Variants in SLC35E4 observed in about 807,000 individuals in gnomAD.
The protein encoded by SLC35E4 is solute carrier family 35, member E4.
In SLC35E4, 15 loss-of-function variants were observed where a neutral mutation model predicts 19.3. The ratio of observed to expected loss-of-function variants is 0.78; its 90% CI spans 0.52 to 1.20. The LOEUF (loss-of-function observed/expected upper bound fraction) is 1.20. Among genes scored for constraint, SLC35E4 ranks in the 50% most tolerant of loss-of-function variants. The pLI, the probability that SLC35E4 is intolerant of heterozygous loss-of-function variation, is 0.00. For synonymous variants in SLC35E4, 219 were observed against 219.9 expected, an observed-to-expected ratio of 1.00 and a Z score of 0.04; for missense variants, 406 against 472.3, an observed-to-expected ratio of 0.86 and a Z score of 1.30.
downstream of SLC35E4, among the ~76,000 whole-genome samples, chr22:30,652,550 A>G (rs778818774): frequency 7.9e-5 from 12 of 152,250 alleles, no homozygotes; most frequent in Non-Finnish European, 1.8e-4. Flanking sequence ...GAATGAATAA[A>G]GACAACTTGG....
chr22:30,660,157 C>G (rs552074689), intron 2 of SLC35E4, among the ~76,000 whole-genome samples: 2 of 152,220 alleles, frequency 1.3e-5, no homozygotes, highest in African/African-American at 4.8e-5. Flanking sequence ...AGACTCTAAG[C>G]AGAGGACCTA....
chr22:30,663,331 G>GT (rs571380555), downstream of SLC35E4: 313 of 1,192,066 alleles, frequency 2.6e-4, 1 homozygote, highest in African/African-American at 4.2e-3. Context: ...GGCATCATCT[G>GT]TTTTTTTCTG....
At position 30,646,848 on chromosome 22, in the gene SLC35E4, C is replaced by T; in HGVS notation, c.870C>T (p.Leu290=). The part of the protein sequence containing the change: ...SALTVHVLGN[L]TVVGNLILSR... ...TCACCGTCCACGTCCTGGGCAACCT[C>T]ACCGTGGTGGGCAACCTCATCCTGT... The change falls in exon 2 of 2, where the codon CTC becomes CTT. Residue 290 remains leucine (L), a synonymous_variant. Coordinates refer to ENST00000343605, the MANE Select transcript of SLC35E4 (RefSeq NM_001001479.4). The T allele has an allele frequency of 6.2e-7, 1 of 1,614,246 alleles. No individual in the cohort carries two copies. The highest frequency in any genetic ancestry group is 8.5e-7 in the Non-Finnish European group (1 of 1,180,040).
Position 30,647,049 on chromosome 22 carries a change from G to C in SLC35E4, c.*18G>C. ...GTCTTTGAGACCTGGGGGATCTCAG[G>C]AGCCACCTGGGATGGCCCTGGCCTG... On this transcript the variant is annotated 3_prime_UTR_variant, in exon 2 of 2. Transcript: ENST00000343605. 1 of 1,573,066 alleles carries C rather than the reference G, an allele frequency of 6.4e-7. No individual in the cohort carries two copies. Among genetic ancestry groups the C allele is most frequent in the East Asian group, 2.2e-5 (1 of 44,548 alleles).
chr22:30,657,277 AC>A (rs1227895903), intron 2 of SLC35E4, among the ~76,000 whole-genome samples: 6 of 2,048 alleles, frequency 2.9e-3, no homozygotes, highest in Admixed American at 0.018. Flanking sequence ...TCTACTAAAA[AC>A]ACACACACAC....
At chr22:30,660,836 G>C (rs565530520) in intron 2 of SLC35E4, among the ~76,000 whole-genome samples, 1 of 150,942 alleles carries the variant, frequency 6.6e-6, no homozygotes, top group East Asian at 2.0e-4. Context: ...AGAAGGCATA[G>C]AACAATTTTT....
At chr22:30,651,371 T>TTTTTTTTGTG (rs1555899345), downstream of SLC35E4, among the ~76,000 whole-genome samples, 1 of 41,202 alleles carries the variant, frequency 2.4e-5, no homozygotes, top group African/African-American at 1.1e-4. Flanking sequence ...TGGCTAATTT[T>TTTTTTTTGTG]TGTGTGTGTG....
Position 30,636,423 on chromosome 22 carries a change from G to C in SLC35E4, c.-28G>C, listed in dbSNP as rs777212011. The C allele has an allele frequency of 6.2e-6, 9 of 1,450,334 alleles. No individual in the cohort carries two copies. In the African/African-American group the frequency reaches 1.3e-4, roughly 21 times the overall value. The allele number at this position is 1,450,334 out of a possible 1,614,324, so 89.8% of individuals were successfully genotyped here. On this transcript the variant is annotated 5_prime_UTR_variant, in exon 1 of 2. Coordinates refer to ENST00000343605, the MANE Select transcript of SLC35E4 (RefSeq NM_001001479.4). ...CCCAGAGGTCGTCACTGGGGAGCCC[G>C]CCTCCTGCCCTAGCCTCACTGGTGC... is the stretch of plus-strand genomic sequence containing the variant.
downstream of SLC35E4, among the ~76,000 whole-genome samples, chr22:30,650,332 CA>C (rs557805647): frequency 2.3e-3 from 318 of 136,024 alleles, no homozygotes; most frequent in African/African-American, 4.7e-3. Context: ...GACTTCGTCT[CA>C]AAAAAAAAAA....
chr22:30,662,473 G>C (rs527443314), exon 3 of SLC35E4: 2 of 152,268 alleles, frequency 1.3e-5, no homozygotes, highest in East Asian at 3.9e-4. Flanking sequence ...GCCAAAGTTT[G>C]GTGAGGGATG....
chr22:30,643,387 C>T (rs2088077954), intron 1 of SLC35E4, among the ~76,000 whole-genome samples: 1 of 152,130 alleles, frequency 6.6e-6, no homozygotes, highest in Middle Eastern at 3.2e-3. Context: ...CTGGGGAGCG[C>T]TGAGAAGGCT....
Position 30,647,284 on chromosome 22 carries a change from G to A in SLC35E4, c.*253G>A. 2.0e-6 allele frequency: 1 copy of A among 492,516 alleles called. No individual in the cohort carries two copies. Among genetic ancestry groups the A allele is most frequent in the Non-Finnish European group, 3.6e-6 (1 of 278,396 alleles). 30.5% of individuals were successfully genotyped at this position (492,516 alleles called of 1,614,324 possible). On this transcript the variant is annotated 3_prime_UTR_variant, in exon 2 of 2. Coordinates refer to ENST00000343605, the MANE Select transcript of SLC35E4 (RefSeq NM_001001479.4). ...ATGGTGGCGCGTGCCTATAGTCCCA[G>A]CTACATGGGAGGCTAAGGTGGGAGG... is the stretch of plus-strand genomic sequence containing the variant.
chr22:30,644,383 T>G (rs2088094421), intron 1 of SLC35E4, among the ~76,000 whole-genome samples: 1 of 152,178 alleles, frequency 6.6e-6, no homozygotes, highest in African/African-American at 2.4e-5. Flanking sequence ...GGGACCTGTG[T>G]CGACTACTCA....
In SLC35E4 at chr22:30,646,646, C is replaced by G; in HGVS notation, c.668C>G (p.Ala223Gly). 6.2e-7 allele frequency: 1 copy of G among 1,611,746 alleles called. No homozygotes were observed. The highest frequency in any genetic ancestry group is 8.5e-7 in the Non-Finnish European group (1 of 1,179,048). ...CTGGACGCGGTGACCCTGCTTTACG[C>G]CACCTCGCTGCCCAGCTTCTGCCTG... is the stretch of plus-strand genomic sequence containing the variant. Reference protein sequence around the residue: ...ERLDAVTLLYATSLPSFCLLA... With the variant: ...ERLDAVTLLYGTSLPSFCLLA... The change falls in exon 2 of 2, where the codon GCC becomes GGC. Residue 223 changes from alanine to glycine, a missense_variant. Ala to Gly is a moderately conservative substitution (Grantham distance 60). Coordinates refer to ENST00000343605, the MANE Select transcript of SLC35E4 (RefSeq NM_001001479.4).
chr22:30,636,625 G>C lies in SLC35E4; in HGVS notation c.175G>C (p.Ala59Pro). 6.2e-7 allele frequency: 1 copy of C among 1,608,684 alleles called. No homozygotes were observed. Among genetic ancestry groups the C allele is most frequent in the Non-Finnish European group, 8.5e-7 (1 of 1,178,182 alleles). ...CATGGCAGCACTGGTGTGGCTGCTGGCGGGAGCCAGCATGTCAAGCCTCAA... is the reference window on the plus strand; with the variant it reads ...CATGGCAGCACTGGTGTGGCTGCTGCCGGGAGCCAGCATGTCAAGCCTCAA... ...VAMAALVWLLAGASMSSLNKW... is the reference protein window; with the variant it reads ...VAMAALVWLLPGASMSSLNKW... The change falls in exon 1 of 2, where the codon GCG (alanine) becomes CCG (proline). Residue 59 changes from alanine (A) to proline (P), a missense_variant. Transcript: ENST00000343605.
downstream of SLC35E4, among the ~76,000 whole-genome samples, chr22:30,652,581 T>A (rs2145589070): frequency 6.6e-6 from 1 of 152,184 alleles, no homozygotes; most frequent in South Asian, 2.1e-4. Context: ...CAAGATGGAG[T>A]CAATTAAGTT....
intron 1 of SLC35E4, among the ~76,000 whole-genome samples, chr22:30,639,581 C>T (rs555850095): frequency 8.3e-4 from 127 of 152,230 alleles, no homozygotes; most frequent in Middle Eastern, 6.8e-3. Context: ...ATGGCCGCCC[C>T]CCAGAAGCAG....
intron 2 of SLC35E4, among the ~76,000 whole-genome samples, chr22:30,655,294 GAA>G (rs35848603): frequency 7.5e-6 from 1 of 133,050 alleles, no homozygotes. Context: ...TGTCTCTACG[GAA>G]AAAAAAAAAA....
chr22:30,646,969 G>C lies in SLC35E4; in HGVS notation c.991G>C (p.Val331Leu). ...GTTCCTTTACCACAACTGCGAGTTC[G>C]TGGCCTCCTGGGCTGCCCGTCGGGG... ...GMFLYHNCEF[V>L]ASWAARRGLW... The change falls in exon 2 of 2, where the codon GTG (valine) becomes CTG (leucine). Residue 331 changes from valine to leucine, a missense_variant. By Grantham distance (32) the Val-to-Leu change is conservative (BLOSUM62 1). Coordinates refer to ENST00000343605, the MANE Select transcript of SLC35E4 (RefSeq NM_001001479.4). The C allele has an allele frequency of 6.2e-7, 1 of 1,613,800 alleles. No individual in the cohort carries two copies. Among genetic ancestry groups the C allele is most frequent in the Non-Finnish European group, 8.5e-7 (1 of 1,180,000 alleles).
Sources: gnomAD v4.1 joint callset for allele counts (sites outside exome capture counted in the v4.1 genomes callset) on GRCh38, gnomAD v4.1.1 for gene constraint, MANE v1.5 for transcripts, NCBI Gene and HGNC (gene_info 2026-07-23, HGNC 2026-07-21) for gene names.